NDUFAF2: variants seen among roughly 807,000 people sequenced by gnomAD.
NDUFAF2 encodes the protein NADH dehydrogenase [ubiquinone] 1 alpha subcomplex assembly factor 2.
NDUFAF2 carries 13 observed loss-of-function variants against 22.8 expected under a neutral mutation model. The ratio of observed to expected loss-of-function variants is 0.57; its 90% confidence interval spans 0.37 to 0.91. The LOEUF (loss-of-function observed/expected upper bound fraction) is 0.91, where lower values mean the gene tolerates loss of function less well. Ranked by LOEUF, NDUFAF2 falls within the 40% of genes least tolerant of loss-of-function variation. The pLI, the probability that NDUFAF2 is intolerant of heterozygous loss-of-function variation, is 0.01. For synonymous variants in NDUFAF2, 53 were observed against 64.2 expected, an observed-to-expected ratio of 0.83 and a Z score of 0.84; for missense variants, 162 against 195.2, an observed-to-expected ratio of 0.83 and a Z score of 1.01.
At chr5:60,965,073 T>C (rs1407882884) in intron 1 of NDUFAF2, among the ~76,000 whole-genome samples, 2 of 152,108 alleles carry the variant, frequency 1.3e-5, no homozygotes, top group Non-Finnish European at 2.9e-5. Flanking sequence ...CCAAACACAC[T>C]AACATAATTA....
intron 3 of NDUFAF2, among the ~76,000 whole-genome samples, chr5:61,113,611 T>G (rs1194353475): frequency 6.6e-6 from 1 of 151,994 alleles, no homozygotes; most frequent in Non-Finnish European, 1.5e-5. Context: ...TTATAAGGGG[T>G]TTTCCTCCTT....
At chr5:60,947,281 C>G (rs1750474099) in intron 1 of NDUFAF2, among the ~76,000 whole-genome samples, 2 of 152,136 alleles carry the variant, frequency 1.3e-5, no homozygotes, top group South Asian at 4.1e-4. Flanking sequence ...CTCACCAGCA[C>G]TTAGTATTAT....
At chr5:61,058,897 C>A (rs1752131067) in intron 1 of NDUFAF2, among the ~76,000 whole-genome samples, 1 of 152,012 alleles carries the variant, frequency 6.6e-6, no homozygotes, top group Non-Finnish European at 1.5e-5. Flanking sequence ...AATAGTCATG[C>A]ATTCATCATT....
chr5:61,144,135 C>A (rs1275881010), intron 3 of NDUFAF2, among the ~76,000 whole-genome samples: 1 of 151,934 alleles, frequency 6.6e-6, no homozygotes, highest in Non-Finnish European at 1.5e-5. Flanking sequence ...TATTCAAATA[C>A]TTTTGAAGTC....
intron 3 of NDUFAF2, among the ~76,000 whole-genome samples, chr5:61,101,849 A>G (rs1345167829): frequency 1.3e-5 from 2 of 152,148 alleles, no homozygotes; most frequent in African/African-American, 2.4e-5. Context: ...AATGGGGAGA[A>G]GTATCTGTTC....
chr5:61,035,424 G>GTTTTTTTTT lies in NDUFAF2; in HGVS notation c.128-37681_128-37673dup, dbSNP rs768889484. On this transcript the variant is annotated intron_variant, in intron 1 of 3. Coordinates refer to ENST00000296597, the MANE Select transcript of NDUFAF2 (RefSeq NM_174889.5). The stretch of plus-strand genomic sequence containing the variant: ...GACAACTCTCTTTCTCTCTTGCTCT[G>GTTTTTTTTT]TTTTTTTTTTTTTTTTTTTTTTTTT... 4.0e-3 allele frequency among the ~76,000 whole-genome samples: 163 copies of GTTTTTTTTT among 40,524 alleles called. 24 individuals carry two copies. Among genetic ancestry groups the GTTTTTTTTT allele is most frequent in the African/African-American group, 0.012 (118 of 9,990 alleles). 26.6% of individuals were successfully genotyped at this position (40,524 alleles called of 152,430 possible). A position where few individuals can be genotyped will look rare whatever the true frequency, so the allele number is the denominator to read the frequency against.
At chr5:61,054,074 G>A (rs1752058523) in intron 1 of NDUFAF2, among the ~76,000 whole-genome samples, 1 of 152,114 alleles carries the variant, frequency 6.6e-6, no homozygotes, top group Admixed American at 6.5e-5. Flanking sequence ...GTTGGCATGT[G>A]CCTGTAGTCC....
intron 1 of NDUFAF2, among the ~76,000 whole-genome samples, chr5:61,060,158 G>C (rs1410575470): frequency 6.6e-6 from 1 of 151,962 alleles, no homozygotes; most frequent in East Asian, 1.9e-4. Context: ...GATAAAACAT[G>C]AAAGGAACCT....
chr5:60,993,139 G>T (rs1265653484), intron 1 of NDUFAF2, among the ~76,000 whole-genome samples: 2 of 152,250 alleles, frequency 1.3e-5, no homozygotes, highest in Non-Finnish European at 2.9e-5. Flanking sequence ...AGGCACACCA[G>T]CTGCTGCAGC....
At chr5:61,055,356 T>A (rs1017288103) in intron 1 of NDUFAF2, among the ~76,000 whole-genome samples, 1 of 152,226 alleles carries the variant, frequency 6.6e-6, no homozygotes, top group Non-Finnish European at 1.5e-5. Context: ...TCATCTTCAT[T>A]GCTTCATATT....
chr5:61,056,889 CAAAAAAAAAAA>C (rs144850054), intron 1 of NDUFAF2, among the ~76,000 whole-genome samples: 6 of 46,786 alleles, frequency 1.3e-4, no homozygotes, highest in African/African-American at 6.8e-4. Flanking sequence ...ACTCTGTCTC[CAAAAAAAAAAA>C]AAAAAAAAAA....
intron 1 of NDUFAF2, among the ~76,000 whole-genome samples, chr5:60,981,045 A>C (rs1750970385): frequency 6.6e-6 from 1 of 152,190 alleles, no homozygotes; most frequent in Non-Finnish European, 1.5e-5. Flanking sequence ...AGAACTTCCC[A>C]AAGCTTAGAG....
intron 3 of NDUFAF2, among the ~76,000 whole-genome samples, chr5:61,107,806 T>TCCCTCCC (rs1302488808): frequency 8.8e-6 from 1 of 113,846 alleles, no homozygotes; most frequent in African/African-American, 3.5e-5. Flanking sequence ...CCCAATGCTA[T>TCCCTCCC]CCCTCCCCCC....
rs150055358 is a variant in NDUFAF2 at position 61,137,722 on chromosome 5, A to C, written c.259-14982A>C. On this transcript the variant is annotated intron_variant, in intron 3 of 3. Coordinates refer to ENST00000296597, the MANE Select transcript of NDUFAF2 (RefSeq NM_174889.5). ...ATGAAATGAGATTGGAGAGGTCGGC[A>C]GCAATTGGGTCATTTGGAGCCTTGT... is the stretch of plus-strand genomic sequence containing the variant. Among the ~76,000 whole-genome samples the C allele has an allele frequency of 2.6e-3, 394 of 152,368 alleles. 5 individuals are homozygous for C. Among genetic ancestry groups the C allele is most frequent in the African/African-American group, 9.2e-3 (383 of 41,594 alleles).
At chr5:61,109,198 A>G (rs1232504342) in intron 3 of NDUFAF2, among the ~76,000 whole-genome samples, 1 of 152,074 alleles carries the variant, frequency 6.6e-6, no homozygotes, top group Admixed American at 6.6e-5. Flanking sequence ...AATCCTAGGC[A>G]TTTAGTTTTG....
intron 1 of NDUFAF2, among the ~76,000 whole-genome samples, chr5:61,002,678 C>T (rs1751312395): frequency 6.6e-6 from 1 of 152,102 alleles, no homozygotes; most frequent in South Asian, 2.1e-4. Context: ...ATAATATATG[C>T]ACTGTTCAAT....
At chr5:61,107,729 A>G (rs1182624461) in intron 3 of NDUFAF2, among the ~76,000 whole-genome samples, 1 of 150,496 alleles carries the variant, frequency 6.6e-6, no homozygotes, top group African/African-American at 2.5e-5. Flanking sequence ...GGTTAGTTAC[A>G]TATGTATACA....
chr5:61,139,372 A>G (rs1741016380), intron 3 of NDUFAF2, among the ~76,000 whole-genome samples: 1 of 152,206 alleles, frequency 6.6e-6, no homozygotes, highest in Non-Finnish European at 1.5e-5. Context: ...ATTTGAAAAT[A>G]CAGTTTCAAC....
intron 1 of NDUFAF2, among the ~76,000 whole-genome samples, chr5:60,978,671 A>C (rs1750935518): frequency 6.6e-6 from 1 of 152,162 alleles, no homozygotes; most frequent in Admixed American, 6.5e-5. Context: ...TGGGGATTAC[A>C]ATTCAACATC....
Sources: allele counts gnomAD v4.1 joint callset (sites outside exome capture counted in the v4.1 genomes callset), GRCh38; gene constraint gnomAD v4.1.1; transcripts MANE v1.5; gene names NCBI Gene and HGNC (gene_info 2026-07-23, HGNC 2026-07-21).